Variants in PCDHB6 observed in about 807,000 individuals in gnomAD.
The protein encoded by PCDHB6 is protocadherin beta-6.
For missense variants in PCDHB6, 1,137 were observed against 1,010.1 expected (o/e 1.13, Z -1.70); for synonymous variants, 506 against 459.0 (o/e 1.10, Z -1.31).
Position 141,151,122 on chromosome 5 carries a change from C to G in PCDHB6, c.865C>G (p.Pro289Ala). The change falls in exon 1 of 1, where the codon CCC becomes GCC. Residue 289 changes from proline to alanine, a missense_variant. By Grantham distance (27) the Pro-to-Ala change is conservative. Transcript: ENST00000231136. ...ALFQVDDVNQ[P>A]FEINAITGEI... ...GTTTCAAGTCGATGACGTCAACCAA[C>G]CCTTCGAAATAAACGCAATCACAGG... 6.2e-7 allele frequency: 1 copy of G among 1,614,222 alleles called. No individual in the cohort carries two copies. The highest frequency in any genetic ancestry group is 1.6e-4 in the Middle Eastern group (1 of 6,062).
chr5:141,151,266 G>A lies in PCDHB6; in HGVS notation c.1009G>A (p.Asp337Asn). The A allele has an allele frequency of 6.2e-7, 1 of 1,614,178 alleles. No homozygotes were observed. Among genetic ancestry groups the A allele is most frequent in the Non-Finnish European group, 8.5e-7 (1 of 1,180,046 alleles). The change falls in exon 1 of 1, where the codon GAC (aspartate) becomes AAC (asparagine). Residue 337 changes from aspartate to asparagine, a missense_variant. Transcript: ENST00000231136. ...ATGCTCTTTAGTCGTCAGGGTCCTGGACGTGAATGACAATGCCCCTGAACT... is the reference window on the plus strand; with the variant it reads ...ATGCTCTTTAGTCGTCAGGGTCCTGAACGTGAATGACAATGCCCCTGAACT... ...GKCSLVVRVLDVNDNAPELTM... is the reference protein window; with the variant it reads ...GKCSLVVRVLNVNDNAPELTM...
At position 141,150,905 on chromosome 5, in the gene PCDHB6, C is replaced by A. The variant is rs782320604; in HGVS notation, c.648C>A (p.Gly216=). The change falls in exon 1 of 1, where the codon GGC becomes GGA. Residue 216 remains glycine (G), a synonymous_variant. Transcript: ENST00000231136. ...QLRLTLIALD[G]GSPPRSGTSE... is the part of the protein sequence containing the mutation. ...GGCTAACGCTGATCGCGCTGGATGG[C>A]GGGTCTCCGCCCCGGTCAGGGACCT... 4.3e-6 allele frequency: 7 copies of A among 1,614,028 alleles called. No individual in the cohort carries two copies. The highest frequency in any genetic ancestry group is 4.2e-6 in the Non-Finnish European group (5 of 1,180,044).
rs782101546 is a variant in PCDHB6, at chr5:141,150,692, T to C, written c.435T>C (p.Thr145=). ...REMLLKISEI[T]MPGKIFPLKM... is the part of the protein sequence containing the mutation. ...TGCTCCTGAAAATATCAGAAATTAC[T>C]ATGCCAGGAAAGATATTTCCTTTGA... is the stretch of plus-strand genomic sequence containing the variant. Residue 145 remains threonine (T), a synonymous_variant, in exon 1 of 1, where the codon ACT becomes ACC. Coordinates refer to ENST00000231136, the MANE Select transcript of PCDHB6 (RefSeq NM_018939.4). 3 of 1,614,208 alleles carry C rather than the reference T, an allele frequency of 1.9e-6. No individual in the cohort carries two copies. The highest frequency in any genetic ancestry group is 4.5e-5 in the East Asian group (2 of 44,882).
At position 141,152,121 on chromosome 5, in the gene PCDHB6, G is replaced by A. The variant is rs1554277923; in HGVS notation, c.1864G>A (p.Val622Met). ...LFGVWAHNGE[V>M]RTARLLSERD... is the part of the protein sequence containing the mutation. ...CGGCGTGTGGGCGCACAATGGCGAG[G>A]TGCGCACCGCCAGGCTGCTGAGCGA... The change falls in exon 1 of 1, where the codon GTG becomes ATG. Residue 622 changes from valine (V) to methionine (M), a missense_variant. Physicochemically the swap from Val to Met is conservative, Grantham distance 21 (BLOSUM62 1). Coordinates refer to ENST00000231136, the MANE Select transcript of PCDHB6 (RefSeq NM_018939.4). The A allele has an allele frequency of 1.9e-6, 3 of 1,607,116 alleles. No homozygotes were observed. The highest frequency in any genetic ancestry group is 1.1e-5 in the South Asian group (1 of 90,982).
chr5:141,151,606 C>A lies in PCDHB6; in HGVS notation c.1349C>A (p.Thr450Asn), dbSNP rs1349476954. 3.1e-6 allele frequency: 5 copies of A among 1,613,778 alleles called. No individual in the cohort carries two copies. In the African/African-American group the frequency reaches 6.7e-5, roughly 22 times the overall value. Residue 450 changes from threonine to asparagine, a missense_variant, in exon 1 of 1, where the codon ACC (threonine) becomes AAC (asparagine). By Grantham distance (65) the Thr-to-Asn change is moderately conservative. Coordinates refer to ENST00000231136, the MANE Select transcript of PCDHB6 (RefSeq NM_018939.4). ...SDVNDNAPAF[T>N]QTSYTLFVRE... ...GTCAATGACAACGCCCCCGCCTTCA[C>A]CCAAACCTCCTACACCCTGTTCGTC...
chr5:141,150,828 C>T lies in PCDHB6; in HGVS notation c.571C>T (p.Pro191Ser), dbSNP rs536786943. Residue 191 changes from proline to serine, a missense_variant, in exon 1 of 1, where the codon CCG (proline) becomes TCG (serine). By Grantham distance (74) the Pro-to-Ser change is moderately conservative. Coordinates refer to ENST00000231136, the MANE Select transcript of PCDHB6 (RefSeq NM_018939.4). ...TRNRSEGRKF[P>S]ELVLDKPLDR... ...CAATCGCAGCGAAGGCAGGAAGTTC[C>T]CGGAGCTGGTGCTAGACAAACCGTT... The T allele has an allele frequency of 7.4e-6, 12 of 1,614,066 alleles. No homozygotes were observed. Among genetic ancestry groups the T allele is most frequent in the Non-Finnish European group, 1.0e-5 (12 of 1,180,042 alleles).
rs1554277505 is a variant in PCDHB6, at chr5:141,150,734, A to G, written c.477A>G (p.Leu159=). ...TTCCTTTGAAAATGGCACACGATTT[A>G]GACACCGGCAGCAACGGCCTTCAGA... The part of the protein sequence containing the change: ...KIFPLKMAHD[L]DTGSNGLQRY... The change falls in exon 1 of 1, where the codon TTA becomes TTG. Residue 159 remains leucine, a synonymous_variant. Coordinates refer to ENST00000231136, the MANE Select transcript of PCDHB6 (RefSeq NM_018939.4). 1 of 1,614,226 alleles carries G rather than the reference A, an allele frequency of 6.2e-7. No individual in the cohort carries two copies. Among genetic ancestry groups the G allele is most frequent in the Admixed American group, 1.7e-5 (1 of 60,030 alleles).
chr5:141,150,212 T>G lies in PCDHB6; in HGVS notation c.-46T>G. 7.0e-7 allele frequency: 1 copy of G among 1,436,680 alleles called. No individual in the cohort carries two copies. Among genetic ancestry groups the G allele is most frequent in the Non-Finnish European group, 9.6e-7 (1 of 1,043,086 alleles). 89.0% of individuals were successfully genotyped at this position (1,436,680 alleles called of 1,614,324 possible). A position where few individuals can be genotyped will look rare whatever the true frequency, so the allele number is the denominator to read the frequency against. On this transcript the variant is annotated 5_prime_UTR_variant, in exon 1 of 1. Transcript: ENST00000231136. ...AGAGGGTCGACGGTAGATGTGGTGA[T>G]TGGGAGCTGAAAAGGATTTTTCTTC...
rs782224004 is a variant in PCDHB6 at position 141,151,941 on chromosome 5, C to A, written c.1684C>A (p.Pro562Thr). The stretch of plus-strand genomic sequence containing the variant: ...CGACAACTCGCCCTTCGTGTTGTAC[C>A]CGCTGCAGAACGGCTCCGCGCCCTG... Reference protein sequence around the residue: ...ANDNSPFVLYPLQNGSAPCTE... With the variant: ...ANDNSPFVLYTLQNGSAPCTE... The change falls in exon 1 of 1, where the codon CCG (proline) becomes ACG (threonine). Residue 562 changes from proline to threonine, a missense_variant. Physicochemically the swap from Pro to Thr is conservative, Grantham distance 38 (BLOSUM62 -1). Coordinates refer to ENST00000231136, the MANE Select transcript of PCDHB6 (RefSeq NM_018939.4). 3 of 1,611,356 alleles carry A rather than the reference C, an allele frequency of 1.9e-6. No homozygotes were observed. Among genetic ancestry groups the A allele is most frequent in the Non-Finnish European group, 2.5e-6 (3 of 1,179,738 alleles).
rs1752864785 is a variant in PCDHB6 at position 141,151,551 on chromosome 5, C to G, written c.1294C>G (p.Gln432Glu). The G allele has an allele frequency of 5.6e-6, 9 of 1,614,164 alleles. No individual in the cohort carries two copies. The highest frequency in any genetic ancestry group is 1.3e-5 in the African/African-American group (1 of 75,026). Residue 432 changes from glutamine (Q) to glutamate (E), a missense_variant, in exon 1 of 1, where the codon CAG becomes GAG. By Grantham distance (29) the Gln-to-Glu change is conservative. Transcript: ENST00000231136. ...TDLGTPRLKT[Q>E]QSITVQVSDV... is the part of the protein sequence containing the mutation. ...TTTGGGGACACCAAGGCTGAAAACC[C>G]AGCAGAGCATAACTGTGCAGGTCTC... is the stretch of plus-strand genomic sequence containing the variant.
rs200771171 is a variant in PCDHB6 at position 141,152,216 on chromosome 5, C to T, written c.1959C>T (p.Thr653=). 2 of 1,606,802 alleles carry T rather than the reference C, an allele frequency of 1.2e-6. No individual in the cohort carries two copies. The highest frequency in any genetic ancestry group is 2.7e-5 in the African/African-American group (2 of 74,796). ...KDNGEPPRSA[T]ATLHVLLVDG... ...ATGGCGAGCCTCCGCGCTCGGCCAC[C>T]GCCACGCTGCACGTGCTCCTGGTGG... The change falls in exon 1 of 1, where the codon ACC becomes ACT. Residue 653 remains threonine (T), a synonymous_variant. Transcript: ENST00000231136.
In PCDHB6 at chr5:141,150,741, G is replaced by A. The variant is rs558688330; in HGVS notation, c.484G>A (p.Gly162Ser). ...GAAAATGGCACACGATTTAGACACC[G>A]GCAGCAACGGCCTTCAGAGGTACAC... ...PLKMAHDLDT[G>S]SNGLQRYTIS... Residue 162 changes from glycine to serine, a missense_variant, in exon 1 of 1, where the codon GGC becomes AGC. By Grantham distance (56) the Gly-to-Ser change is moderately conservative (BLOSUM62 0). Transcript: ENST00000231136. 6.2e-7 allele frequency: 1 copy of A among 1,614,102 alleles called. No homozygotes were observed. Among genetic ancestry groups the A allele is most frequent in the South Asian group, 1.1e-5 (1 of 91,072 alleles).
Position 141,151,327 on chromosome 5 carries a change from A to C in PCDHB6, c.1070A>C (p.Asn357Thr). 4.3e-6 allele frequency: 7 copies of C among 1,614,056 alleles called. No individual in the cohort carries two copies. Among genetic ancestry groups the C allele is most frequent in the Non-Finnish European group, 5.9e-6 (7 of 1,180,016 alleles). ...TTCTTCATCAGCCTCATCCCAGAAA[A>C]CTTACCAGAGATCACAGTGGCAGTT... ...MSFFISLIPE[N>T]LPEITVAVFS... The change falls in exon 1 of 1, where the codon AAC (asparagine) becomes ACC (threonine). Residue 357 changes from asparagine to threonine, a missense_variant. Physicochemically the swap from Asn to Thr is moderately conservative, Grantham distance 65. Coordinates refer to ENST00000231136, the MANE Select transcript of PCDHB6 (RefSeq NM_018939.4).
rs10074197 is a variant in PCDHB6, at chr5:141,153,231, A to T, written c.*589A>T. The T allele has an allele frequency of 0.014, 2,266 of 162,698 alleles. 70 individuals carry two copies. Among genetic ancestry groups the T allele is most frequent in the African/African-American group, 0.053 (2,107 of 39,424 alleles). 10.1% of individuals were successfully genotyped at this position (162,698 alleles called of 1,614,324 possible). A position where few individuals can be genotyped will look rare whatever the true frequency, so the allele number is the denominator to read the frequency against. ...TGTAAGAACATGATGGTCTTTTTTT[A>T]AAAAAAAAGTCGTGCCAATTATAAG... On this transcript the variant is annotated 3_prime_UTR_variant, in exon 1 of 1. Coordinates refer to ENST00000231136, the MANE Select transcript of PCDHB6 (RefSeq NM_018939.4).
chr5:141,151,058 T>C lies in PCDHB6; in HGVS notation c.801T>C (p.Asp267=), dbSNP rs782356206. The C allele has an allele frequency of 1.2e-6, 2 of 1,614,180 alleles. No homozygotes were observed. The highest frequency in any genetic ancestry group is 2.2e-5 in the South Asian group (2 of 91,084). Residue 267 remains aspartate, a synonymous_variant, in exon 1 of 1, where the codon GAT becomes GAC. Transcript: ENST00000231136. The part of the protein sequence containing the change: ...GSLVITVSAR[D]LDAGSFGKVS... ...TGGTTATTACCGTCTCAGCCAGAGA[T>C]TTAGATGCAGGATCGTTTGGGAAGG...
chr5:141,150,915 C>T lies in PCDHB6; in HGVS notation c.658C>T (p.Pro220Ser), dbSNP rs1554277542. The T allele has an allele frequency of 6.2e-7, 1 of 1,614,116 alleles. No homozygotes were observed. ...TLIALDGGSP[P>S]RSGTSEIQIQ... The stretch of plus-strand genomic sequence containing the variant: ...GATCGCGCTGGATGGCGGGTCTCCG[C>T]CCCGGTCAGGGACCTCCGAGATTCA... The change falls in exon 1 of 1, where the codon CCC (proline) becomes TCC (serine). Residue 220 changes from proline to serine, a missense_variant. Coordinates refer to ENST00000231136, the MANE Select transcript of PCDHB6 (RefSeq NM_018939.4).
In PCDHB6 at chr5:141,151,888, T is replaced by A. The variant is rs1554277849; in HGVS notation, c.1631T>A (p.Leu544Gln). The change falls in exon 1 of 1, where the codon CTG becomes CAG. Residue 544 changes from leucine (L) to glutamine (Q), a missense_variant. Coordinates refer to ENST00000231136, the MANE Select transcript of PCDHB6 (RefSeq NM_018939.4). Reference protein sequence around the residue: ...RGSPALSSEALVRLLVLDAND... With the variant: ...RGSPALSSEAQVRLLVLDAND... Reference sequence around the variant, plus strand: ...TCCCCGGCGTTGAGCAGCGAGGCGCTGGTGCGCTTGCTGGTGCTGGACGCC... The same window carrying A: ...TCCCCGGCGTTGAGCAGCGAGGCGCAGGTGCGCTTGCTGGTGCTGGACGCC... 1 of 1,611,948 alleles carries A rather than the reference T, an allele frequency of 6.2e-7. No homozygotes were observed.
In PCDHB6 at chr5:141,150,739, C is replaced by A. The variant is rs972594737; in HGVS notation, c.482C>A (p.Thr161Asn). Reference protein sequence around the residue: ...FPLKMAHDLDTGSNGLQRYTI... With the variant: ...FPLKMAHDLDNGSNGLQRYTI... ...TTGAAAATGGCACACGATTTAGACA[C>A]CGGCAGCAACGGCCTTCAGAGGTAC... Residue 161 changes from threonine (T) to asparagine (N), a missense_variant, in exon 1 of 1, where the codon ACC becomes AAC. By Grantham distance (65) the Thr-to-Asn change is moderately conservative. Coordinates refer to ENST00000231136, the MANE Select transcript of PCDHB6 (RefSeq NM_018939.4). 1.9e-6 allele frequency: 3 copies of A among 1,614,204 alleles called. No individual in the cohort carries two copies. The highest frequency in any genetic ancestry group is 2.7e-5 in the African/African-American group (2 of 75,046).
At position 141,151,436 on chromosome 5, in the gene PCDHB6, T is replaced by G; in HGVS notation, c.1179T>G (p.Pro393=). Residue 393 remains proline, a synonymous_variant, in exon 1 of 1, where the codon CCT becomes CCG. Transcript: ENST00000231136. ...ACAATCTCCCCTTTCTACTAAGACC[T>G]TCCGTGGAGAATTTCTACACCCTGG... ...IENNLPFLLR[P]SVENFYTLVT... is the part of the protein sequence containing the mutation. 1 of 1,614,130 alleles carries G rather than the reference T, an allele frequency of 6.2e-7. No homozygotes were observed. Among genetic ancestry groups the G allele is most frequent in the Non-Finnish European group, 8.5e-7 (1 of 1,180,012 alleles).
Sources: gnomAD v4.1 joint callset for allele counts on GRCh38, gnomAD v4.1.1 for gene constraint, MANE v1.5 for transcripts, NCBI Gene and HGNC (gene_info 2026-07-23, HGNC 2026-07-21) for gene names.